PLEKHA6: variants seen among roughly 807,000 people sequenced by gnomAD.
PLEKHA6 encodes pleckstrin homology domain-containing family A member 6.
Under a neutral mutation model 116.7 loss-of-function variants are expected in PLEKHA6, and 60 were observed. The observed-to-expected ratio is 0.51, with a 90% CI of 0.42 to 0.64. PLEKHA6 has a LOEUF of 0.64. Among genes scored for constraint, PLEKHA6 ranks in the 30% least tolerant of loss-of-function variants. The pLI is 0.00. For synonymous variants in PLEKHA6, 489 were observed against 556.1 expected (o/e 0.88, Z 1.70); for missense variants, 1,338 against 1,422.7 (o/e 0.94, Z 0.96).
intron 3 of PLEKHA6, among the ~76,000 whole-genome samples, chr1:204,366,752 C>A (rs186014338): frequency 1.3e-5 from 2 of 152,190 alleles, no homozygotes; most frequent in South Asian, 2.1e-4. Flanking sequence ...CAGAGTGAGA[C>A]CCTATCTTAA....
In PLEKHA6 at chr1:204,272,830, C is replaced by T. The variant is rs139254101; in HGVS notation, c.102+796G>A. ...CAACATTATATTTTCAGGATTTATC[C>T]TTGTTAATACATACAGCTCCAGTTC... On this transcript the variant is annotated intron_variant, in intron 3 of 22. Transcript: ENST00000272203. Among the ~76,000 whole-genome samples the T allele has an allele frequency of 2.0e-3, 305 of 152,286 alleles. 1 individual carries two copies. Among genetic ancestry groups the T allele is most frequent in the African/African-American group, 6.3e-3 (260 of 41,562 alleles).
At chr1:204,263,672 G>A (rs1011801565) in intron 6 of PLEKHA6, among the ~76,000 whole-genome samples, 1 of 152,090 alleles carries the variant, frequency 6.6e-6, no homozygotes, top group African/African-American at 2.4e-5. Context: ...GCAGAGCTCC[G>A]AGCTGGAACG....
At chr1:204,357,299 T>C (rs1673441472) in intron 1 of PLEKHA6, among the ~76,000 whole-genome samples, 2 of 152,114 alleles carry the variant, frequency 1.3e-5, no homozygotes, top group African/African-American at 4.8e-5. Context: ...CTCATCTGGA[T>C]GTGGAGGGAG....
At chr1:204,304,730 G>T (rs1671124230) in intron 1 of PLEKHA6, among the ~76,000 whole-genome samples, 1 of 152,210 alleles carries the variant, frequency 6.6e-6, no homozygotes, top group Non-Finnish European at 1.5e-5. Context: ...CCAGAAGACA[G>T]CTCCATGTCC....
chr1:204,315,933 T>C (rs2103197688), intron 1 of PLEKHA6, among the ~76,000 whole-genome samples: 1 of 152,284 alleles, frequency 6.6e-6, no homozygotes, highest in African/African-American at 2.4e-5. Flanking sequence ...TAAAGGTTCG[T>C]GTTGGGAAGT....
chr1:204,275,709 C>T (rs1042924072), intron 1 of PLEKHA6: 14 of 984,976 alleles, frequency 1.4e-5, no homozygotes, highest in East Asian at 1.1e-4. Flanking sequence ...GCTGATGCAG[C>T]GGTCTAAGCC....
rs150438392 is a variant in PLEKHA6 at position 204,340,025 on chromosome 1, G to A, written c.-95+19669C>T. ...TTAACATTTGCTTACCCATTTTTAG[G>A]CAAAGTTAATTAAGCATTACTTTTT... On this transcript the variant is annotated intron_variant, in intron 1 of 22. Coordinates refer to ENST00000272203, the MANE Select transcript of PLEKHA6 (RefSeq NM_014935.5). Among the ~76,000 whole-genome samples, 8 of 152,276 alleles carry A rather than the reference G, an allele frequency of 5.3e-5. No individual in the cohort carries two copies. In the East Asian group the frequency reaches 1.5e-3, roughly 29 times the overall value.
chr1:204,356,000 C>CAAA (rs199652785), intron 1 of PLEKHA6, among the ~76,000 whole-genome samples: 32 of 47,732 alleles, frequency 6.7e-4, no homozygotes, highest in African/African-American at 9.6e-4. Context: ...CACACACACA[C>CAAA]AAAAAAAATC....
rs1664218424 is a variant in PLEKHA6, at chr1:204,249,278, G to A, written c.1594-14C>T. On this transcript the variant is annotated splice_polypyrimidine_tract_variant and intron_variant, in intron 10 of 22. Transcript: ENST00000272203. ...TCCCAGCAGCTTCTAGGGACCCAGA[G>A]AGTGGAGAAGGAGAGGGAGAAAGAA... 1 of 1,580,300 alleles carries A rather than the reference G, an allele frequency of 6.3e-7. No individual in the cohort carries two copies. Among genetic ancestry groups the A allele is most frequent in the Non-Finnish European group, 8.7e-7 (1 of 1,149,090 alleles).
At chr1:204,364,330 G>C (rs1673613050), upstream of PLEKHA6, among the ~76,000 whole-genome samples, 2 of 152,218 alleles carry the variant, frequency 1.3e-5, no homozygotes, top group Non-Finnish European at 2.9e-5. Context: ...GTTTGTCCAA[G>C]CAAGGTGCCA....
chr1:204,348,714 A>ACCCCCCCCCCCCCCCCCC (rs3038282), intron 1 of PLEKHA6, among the ~76,000 whole-genome samples: 1 of 136,642 alleles, frequency 7.3e-6, no homozygotes, highest in Non-Finnish European at 1.5e-5. Flanking sequence ...CAGGTGCCAA[A>ACCCCCCCCCCCCCCCCCC]CCCCCCCCCC....
chr1:204,374,755 C>A (rs1673836978), intron 1 of PLEKHA6, among the ~76,000 whole-genome samples: 1 of 152,114 alleles, frequency 6.6e-6, no homozygotes, highest in Non-Finnish European at 1.5e-5. Context: ...ATGCCATGTC[C>A]CCTGGCAGCT....
intron 1 of PLEKHA6, among the ~76,000 whole-genome samples, chr1:204,377,116 G>A (rs148290565): frequency 7.2e-5 from 11 of 152,288 alleles, no homozygotes; most frequent in African/African-American, 2.2e-4. Flanking sequence ...TCCTGGGCAC[G>A]CTGAGTCTGG....
At chr1:204,243,720 C>T (rs1210839755) in intron 15 of PLEKHA6, among the ~76,000 whole-genome samples, 3 of 152,220 alleles carry the variant, frequency 2.0e-5, no homozygotes, top group Admixed American at 6.5e-5. Context: ...CATATGCCGT[C>T]ATGTTCCTAT....
At chr1:204,254,392 C>CT (rs1321191860) in intron 9 of PLEKHA6, among the ~76,000 whole-genome samples, 2 of 152,224 alleles carry the variant, frequency 1.3e-5, no homozygotes, top group Non-Finnish European at 2.9e-5. Context: ...AGATGGGTCA[C>CT]ATGGCTTGTG....
chr1:204,299,554 G>T, intron 1 of PLEKHA6: 2 of 877,976 alleles, frequency 2.3e-6, no homozygotes, highest in Non-Finnish European at 2.7e-6. Flanking sequence ...CCAGCAAGCT[G>T]ACACAGCTTT....
intron 1 of PLEKHA6, among the ~76,000 whole-genome samples, chr1:204,331,040 C>CA (rs1160151607): frequency 3.3e-4 from 50 of 151,970 alleles, no homozygotes; most frequent in African/African-American, 2.4e-5. Context: ...ACTAAAAATA[C>CA]AAAAAAATTA....
intron 1 of PLEKHA6, among the ~76,000 whole-genome samples, chr1:204,318,596 C>T (rs1320835478): frequency 1.3e-5 from 2 of 151,782 alleles, no homozygotes; most frequent in Admixed American, 6.6e-5. Context: ...CATAGGCACT[C>T]GCCTCAAGCA....
chr1:204,342,734 T>C (rs1183044892), intron 1 of PLEKHA6, among the ~76,000 whole-genome samples: 2 of 152,148 alleles, frequency 1.3e-5, no homozygotes. Flanking sequence ...TTTTCCCCTA[T>C]AGCCTGGGAA....
Sources: allele counts gnomAD v4.1 joint callset (sites outside exome capture counted in the v4.1 genomes callset), GRCh38; gene constraint gnomAD v4.1.1; transcripts MANE v1.5; gene names NCBI Gene and HGNC (gene_info 2026-07-23, HGNC 2026-07-21).